The following EPS8 variants were observed in gnomAD, a reference collection of about 807,000 sequenced individuals.
EPS8 encodes EGFR pathway substrate 8, signaling adaptor.
In EPS8, 42 loss-of-function variants were observed where a neutral mutation model predicts 103.8. The ratio of observed to expected loss-of-function variants is 0.40; its 90% CI spans 0.32 to 0.52. The LOEUF is 0.52. EPS8 is among the 20% of genes least tolerant of loss of function. The pLI, the probability that EPS8 is intolerant of heterozygous loss-of-function variation, is 0.40. For missense variants in EPS8, 969 were observed against 1,005.1 expected (o/e 0.96, Z 0.49); for synonymous variants, 344 against 344.6 (o/e 1.00, Z 0.02).
At chr12:15,638,331 T>G (rs1455760846) in intron 17 of EPS8, among the ~76,000 whole-genome samples, 2 of 152,154 alleles carry the variant, frequency 1.3e-5, no homozygotes, top group Non-Finnish European at 2.9e-5. Flanking sequence ...TAGAGTAGGA[T>G]TTATGCCAGA....
In EPS8 at chr12:15,733,205, A is replaced by G. The variant is rs1418100478; in HGVS notation, c.-21-50233T>C. Among the ~76,000 whole-genome samples the G allele has an allele frequency of 1.3e-5, 2 of 152,212 alleles. No individual in the cohort carries two copies. The highest frequency in any genetic ancestry group is 2.9e-5 in the Non-Finnish European group (2 of 68,050). On this transcript the variant is annotated intron_variant, in intron 1 of 20. Transcript: ENST00000281172. This position sits in a 1 kb window ranked among gnomAD's most constrained non-coding sequence, Gnocchi z 4.8. Reference sequence around the variant, plus strand: ...CTCACAGTTCCACGGGCTTAACAGGAAGCATAGCTGAGAGGCCTCAGGAAA... The same window carrying G: ...CTCACAGTTCCACGGGCTTAACAGGGAGCATAGCTGAGAGGCCTCAGGAAA...
At position 15,620,382 on chromosome 12, in the gene EPS8, C is replaced by A. The variant is rs1222120957; in HGVS notation, c.*935G>T. On this transcript the variant is annotated 3_prime_UTR_variant, in exon 21 of 21. Coordinates refer to ENST00000281172, the MANE Select transcript of EPS8 (RefSeq NM_004447.6). ...CATTTGTTGAAGGTTAGGTATCTTTCTTTTCTCTATGTGGAATCTTTCACA... is the reference window on the plus strand; with the variant it reads ...CATTTGTTGAAGGTTAGGTATCTTTATTTTCTCTATGTGGAATCTTTCACA... The A allele has an allele frequency of 6.6e-6, 1 of 152,572 alleles. No individual in the cohort carries two copies. Among genetic ancestry groups the A allele is most frequent in the Non-Finnish European group, 1.5e-5 (1 of 68,020 alleles). 9.5% of individuals were successfully genotyped at this position (152,572 alleles called of 1,614,324 possible). A position where few individuals can be genotyped will look rare whatever the true frequency, so the allele number is the denominator to read the frequency against.
chr12:15,650,015 G>C (rs1372877005), intron 14 of EPS8, among the ~76,000 whole-genome samples: 1 of 152,130 alleles, frequency 6.6e-6, no homozygotes, highest in Non-Finnish European at 1.5e-5. Context: ...GTTTGGTCCA[G>C]CTTTAATCAA....
chr12:15,649,781 T>G (rs928841061), intron 14 of EPS8, among the ~76,000 whole-genome samples: 1 of 152,166 alleles, frequency 6.6e-6, no homozygotes, highest in Non-Finnish European at 1.5e-5. Flanking sequence ...GATAAACATT[T>G]CCCCTTAAAA....
intron 20 of EPS8, 99 bp downstream of exon 20, chr12:15,623,059 C>T: frequency 8.6e-7 from 1 of 1,166,108 alleles, no homozygotes; most frequent in South Asian, 1.9e-5. Flanking sequence ...TTTAATTCAG[C>T]TCTGTTAAGA....
At chr12:15,756,717 A>G (rs1224179905) in intron 1 of EPS8, among the ~76,000 whole-genome samples, 4 of 152,174 alleles carry the variant, frequency 2.6e-5, no homozygotes, top group Non-Finnish European at 2.9e-5. Context: ...TTAGCTCACT[A>G]TTTCTTATTT....
At chr12:15,661,905 G>A in intron 9 of EPS8, 121 bp downstream of exon 9, 5 of 740,912 alleles carry the variant, frequency 6.7e-6, no homozygotes, top group Non-Finnish European at 1.1e-5. Flanking sequence ...AGCCATCACA[G>A]GTAACAGAAA....
rs1256255472 is a variant in EPS8 at position 15,704,906 on chromosome 12, G to A, written c.-21-21934C>T. On this transcript the variant is annotated intron_variant, in intron 1 of 20. Coordinates refer to ENST00000281172, the MANE Select transcript of EPS8 (RefSeq NM_004447.6). The surrounding 1 kb of genome is among the most constrained non-coding windows in gnomAD (Gnocchi z 4.6). ...TTAACAATTTCCTTGGCATGCGTGCGCATGCACACACACACACAAAAAACT... is the reference window on the plus strand; with the variant it reads ...TTAACAATTTCCTTGGCATGCGTGCACATGCACACACACACACAAAAAACT... 3.9e-5 allele frequency among the ~76,000 whole-genome samples: 6 copies of A among 152,028 alleles called. No individual in the cohort carries two copies. Among genetic ancestry groups the A allele is most frequent in the African/African-American group, 7.2e-5 (3 of 41,396 alleles).
rs974996896 is a variant in EPS8, at chr12:15,784,599, A to G, written c.-22+4562T>C. 6.6e-6 allele frequency among the ~76,000 whole-genome samples: 1 copy of G among 152,178 alleles called. No individual in the cohort carries two copies. Among genetic ancestry groups the G allele is most frequent in the African/African-American group, 2.4e-5 (1 of 41,458 alleles). ...TTGGCAATTTCTTACAAAGCTAACC[A>G]TAATCTTACCACAGGATCCAGCAAT... On this transcript the variant is annotated intron_variant, in intron 1 of 20. Coordinates refer to ENST00000281172, the MANE Select transcript of EPS8 (RefSeq NM_004447.6). This position sits in a 1 kb window ranked among gnomAD's most constrained non-coding sequence, Gnocchi z 4.0.
rs1300177602 is a variant in EPS8 at position 15,666,430 on chromosome 12, A to G, written c.599+10T>C. ...CAATTCCACTCCTTGATTTCTTTCAATGCTTTTACCTCAGGGCGTCGGGCC... is the reference window on the plus strand; with the variant it reads ...CAATTCCACTCCTTGATTTCTTTCAGTGCTTTTACCTCAGGGCGTCGGGCC... On this transcript the variant is annotated intron_variant, in intron 7 of 20. Coordinates refer to ENST00000281172, the MANE Select transcript of EPS8 (RefSeq NM_004447.6). 1.2e-6 allele frequency: 2 copies of G among 1,605,794 alleles called. No individual in the cohort carries two copies. Among genetic ancestry groups the G allele is most frequent in the South Asian group, 2.2e-5 (2 of 90,344 alleles).
At position 15,757,658 on chromosome 12, in the gene EPS8, A is replaced by AAGATG. The variant is rs768091206; in HGVS notation, c.-22+31498_-22+31502dup. Among the ~76,000 whole-genome samples the AAGATG allele has an allele frequency of 1.1e-4, 16 of 152,070 alleles. No individual in the cohort carries two copies. Among genetic ancestry groups the AAGATG allele is most frequent in the Non-Finnish European group, 1.9e-4 (13 of 67,992 alleles). On this transcript the variant is annotated intron_variant, in intron 1 of 20. Transcript: ENST00000281172. This position sits in a 1 kb window ranked among gnomAD's most constrained non-coding sequence, Gnocchi z 4.1. ...AAAAAAAAAGAAAAAGAAAAAGAAA[A>AAGATG]AGATGAAGTGGCCACCACTTAAGTG...
At chr12:15,672,403 T>C (rs1945832823) in intron 3 of EPS8, 1 of 397,996 alleles carries the variant, frequency 2.5e-6, no homozygotes, top group South Asian at 1.3e-4. Context: ...TTTTGCAGCA[T>C]TAAAATTACT....
intron 1 of EPS8, among the ~76,000 whole-genome samples, chr12:15,689,163 T>C (rs991138725): frequency 5.9e-5 from 9 of 152,120 alleles, no homozygotes; most frequent in African/African-American, 2.2e-4. Context: ...GTTACACCAT[T>C]GTGTGATAGT....
intron 14 of EPS8, among the ~76,000 whole-genome samples, chr12:15,650,100 A>G (rs1005639570): frequency 2.6e-5 from 4 of 152,208 alleles, no homozygotes; most frequent in African/African-American, 9.6e-5. Flanking sequence ...AAAACAGCAT[A>G]CTCAATTTCA....
chr12:15,631,792 C>T, intron 17 of EPS8, 128 bp from the exon 18 acceptor site: 7 of 676,188 alleles, frequency 1.0e-5, no homozygotes, highest in South Asian at 1.0e-4. Context: ...ACTCATTTAT[C>T]TGTAATCCTA....
In EPS8 at chr12:15,682,496, T is replaced by G. The variant is rs189066312; in HGVS notation, c.59+397A>C. On this transcript the variant is annotated intron_variant, in intron 2 of 20. Coordinates refer to ENST00000281172, the MANE Select transcript of EPS8 (RefSeq NM_004447.6). ...CTAGTTTTACACAGTGGTAAATAAC[T>G]TGATTAGTTTATACTAAATGACATT... Among the ~76,000 whole-genome samples, 434 of 152,322 alleles carry G rather than the reference T, an allele frequency of 2.8e-3. 4 individuals carry two copies. Among genetic ancestry groups the G allele is most frequent in the African/African-American group, 0.01 (423 of 41,570 alleles).
chr12:15,744,369 G>T (rs775491535), intron 1 of EPS8, among the ~76,000 whole-genome samples: 1 of 152,142 alleles, frequency 6.6e-6, no homozygotes, highest in South Asian at 2.1e-4. Context: ...GTCCTTCAAA[G>T]AAATTTATTA....
At chr12:15,723,043 G>A (rs972568205) in intron 1 of EPS8, among the ~76,000 whole-genome samples, 2 of 151,630 alleles carry the variant, frequency 1.3e-5, no homozygotes, top group Admixed American at 6.6e-5. Flanking sequence ...ATTTTTCAAG[G>A]CTGGGCAGGG....
rs529061398 is a variant in EPS8 at position 15,687,288 on chromosome 12, T to C, written c.-21-4316A>G. Among the ~76,000 whole-genome samples, 88 of 152,258 alleles carry C rather than the reference T, an allele frequency of 5.8e-4. 1 individual carries two copies. The highest frequency in any genetic ancestry group is 2.0e-3 in the African/African-American group (84 of 41,572). ...AATATCAATTAACAAAGAATTTTTA[T>C]GTGTGAATAAACTCAAAAAACTAAT... On this transcript the variant is annotated intron_variant, in intron 1 of 20. Transcript: ENST00000281172.
Sources: gnomAD v4.1 joint callset for allele counts (sites outside exome capture counted in the v4.1 genomes callset) on GRCh38, gnomAD v4.1.1 for gene constraint, Gnocchi (gnomAD v3.1) non-coding constraint, MANE v1.5 for transcripts, NCBI Gene and HGNC (gene_info 2026-07-23, HGNC 2026-07-21) for gene names.